Variants in ARHGAP42 observed in about 807,000 individuals in gnomAD.
ARHGAP42 encodes the protein rho GTPase-activating protein 42.
Under a neutral mutation model 125.0 loss-of-function variants are expected in ARHGAP42, and 63 were observed. That is an observed-to-expected ratio of 0.50 (90% CI 0.41 to 0.62). ARHGAP42 has a LOEUF of 0.62. ARHGAP42 is among the 20% of genes least tolerant of loss of function. The probability of loss-of-function intolerance (pLI) is 0.00; values close to 1 mark genes in which losing one functional copy is unlikely to be tolerated. For missense variants in ARHGAP42, 766 were observed against 1,024.2 expected (o/e 0.75, Z 3.44); for synonymous variants, 339 against 351.0 (o/e 0.97, Z 0.38).
intron 3 of ARHGAP42, among the ~76,000 whole-genome samples, chr11:100,850,200 A>G (rs1172452526): frequency 2.0e-5 from 3 of 152,228 alleles, no homozygotes; most frequent in African/African-American, 7.2e-5. Context: ...CTTTTCAAAA[A>G]AGATTTTAAT....
chr11:100,930,061 G>A (rs947427845), intron 6 of ARHGAP42, among the ~76,000 whole-genome samples: 33 of 152,154 alleles, frequency 2.2e-4, no homozygotes, highest in East Asian at 5.8e-4. Context: ...ATGAGATTTC[G>A]TCAGTGATAA....
intron 3 of ARHGAP42, among the ~76,000 whole-genome samples, chr11:100,843,352 G>A (rs1864985673): frequency 6.6e-6 from 1 of 151,892 alleles, no homozygotes; most frequent in Non-Finnish European, 1.5e-5. Context: ...AAAAGTCCAG[G>A]AACAGATGGA....
intron 3 of ARHGAP42, among the ~76,000 whole-genome samples, chr11:100,827,407 A>G (rs916417248): frequency 1.3e-5 from 2 of 152,152 alleles, no homozygotes; most frequent in African/African-American, 4.8e-5. Context: ...CTGGTATGCA[A>G]CTCATACTTT....
At position 100,936,239 on chromosome 11, in the gene ARHGAP42, G is replaced by A. The variant is rs1488588923; in HGVS notation, c.739G>A (p.Glu247Lys). Residue 247 changes from glutamate (E) to lysine (K), a missense_variant, in exon 8 of 24, where the codon GAG becomes AAG. Transcript: ENST00000298815. ...TTTTGAAAGTACTCGACAAGAGGTAGAGCGGTTGATGCAAAGGATGAAATC... is the reference window on the plus strand; with the variant it reads ...TTTTGAAAGTACTCGACAAGAGGTAAAGCGGTTGATGCAAAGGATGAAATC... ...NNFESTRQEV[E>K]RLMQRMKSAN... 2.6e-6 allele frequency: 4 copies of A among 1,551,796 alleles called. No homozygotes were observed. Among genetic ancestry groups the A allele is most frequent in the South Asian group, 2.4e-5 (2 of 84,060 alleles).
chr11:100,760,061 A>T (rs1279123902), intron 1 of ARHGAP42, among the ~76,000 whole-genome samples: 1 of 152,210 alleles, frequency 6.6e-6, no homozygotes. Flanking sequence ...AATTAACCAC[A>T]TGCACCATCC....
intron 4 of ARHGAP42, among the ~76,000 whole-genome samples, chr11:100,866,342 TC>T (rs1452157644): frequency 6.6e-6 from 1 of 152,194 alleles, no homozygotes; most frequent in African/African-American, 2.4e-5. Flanking sequence ...ATCAGCTTCT[TC>T]CATGAATCAT....
chr11:100,946,894 C>T (rs1328336915), intron 10 of ARHGAP42, among the ~76,000 whole-genome samples: 1 of 151,548 alleles, frequency 6.6e-6, no homozygotes, highest in African/African-American at 2.4e-5. Context: ...AACAAACCAT[C>T]AATTTGTTAA....
chr11:100,857,386 G>T (rs1270554808), intron 3 of ARHGAP42, among the ~76,000 whole-genome samples: 1 of 152,082 alleles, frequency 6.6e-6, no homozygotes, highest in South Asian at 2.1e-4. Flanking sequence ...TCATATGTAT[G>T]TAACAGTGAG....
intron 22 of ARHGAP42, among the ~76,000 whole-genome samples, chr11:100,983,010 GAAGT>G (rs1858582017): frequency 6.6e-6 from 1 of 152,122 alleles, no homozygotes; most frequent in South Asian, 2.1e-4. Context: ...AATTAATGAA[GAAGT>G]AAGTTAAAAC....
intron 1 of ARHGAP42, among the ~76,000 whole-genome samples, chr11:100,689,091 A>AG (rs1163602998): frequency 6.6e-6 from 1 of 152,232 alleles, no homozygotes; most frequent in East Asian, 1.9e-4. Context: ...AATCATCCCA[A>AG]ATGTTAAAAC....
intron 2 of ARHGAP42, among the ~76,000 whole-genome samples, chr11:100,785,762 C>G (rs557524979): frequency 2.6e-5 from 4 of 152,224 alleles, no homozygotes; most frequent in African/African-American, 7.2e-5. Flanking sequence ...ACTTGGCACT[C>G]GATTACTCTT....
intron 4 of ARHGAP42, among the ~76,000 whole-genome samples, chr11:100,862,711 T>C (rs1298014069): frequency 2.0e-5 from 3 of 152,112 alleles, no homozygotes; most frequent in Non-Finnish European, 4.4e-5. Context: ...TAGTTCTTGC[T>C]TAGTAAAGTG....
chr11:100,901,698 G>A (rs567368736), intron 4 of ARHGAP42, among the ~76,000 whole-genome samples: 9 of 152,354 alleles, frequency 5.9e-5, no homozygotes, highest in East Asian at 5.8e-4. Context: ...GCAAGGCTCC[G>A]TGGGCATGGG....
chr11:100,728,157 G>A (rs532965463), intron 1 of ARHGAP42, among the ~76,000 whole-genome samples: 28 of 152,104 alleles, frequency 1.8e-4, no homozygotes, highest in Non-Finnish European at 3.4e-4. Context: ...GGTGAATTTT[G>A]TTCCCTCCTA....
At chr11:100,748,443 T>C (rs1337040078) in intron 1 of ARHGAP42, among the ~76,000 whole-genome samples, 1 of 152,212 alleles carries the variant, frequency 6.6e-6, no homozygotes, top group Non-Finnish European at 1.5e-5. Context: ...AAGATTTAGA[T>C]CCCCTGTTAG....
At chr11:100,814,321 C>T (rs1162580349) in intron 3 of ARHGAP42, among the ~76,000 whole-genome samples, 2 of 148,364 alleles carry the variant, frequency 1.3e-5, no homozygotes, top group African/African-American at 2.5e-5. Flanking sequence ...CGAGATCACA[C>T]CACTGCACTC....
At chr11:100,761,628 A>G (rs1359667914) in intron 1 of ARHGAP42, among the ~76,000 whole-genome samples, 2 of 152,216 alleles carry the variant, frequency 1.3e-5, no homozygotes, top group East Asian at 1.9e-4. Context: ...CTTGCCAGAC[A>G]CATATCATTT....
intron 1 of ARHGAP42, among the ~76,000 whole-genome samples, chr11:100,745,640 C>T (rs1035147034): frequency 2.6e-5 from 4 of 152,162 alleles, no homozygotes; most frequent in African/African-American, 9.7e-5. Flanking sequence ...ATACTTCCAT[C>T]AGGGGCAGTG....
At chr11:100,812,843 C>T (rs544386977) in intron 3 of ARHGAP42, among the ~76,000 whole-genome samples, 1 of 152,100 alleles carries the variant, frequency 6.6e-6, no homozygotes, top group African/African-American at 2.4e-5. Context: ...CTCTTTAGGC[C>T]TTGTAAGGAA....
Sources: allele counts gnomAD v4.1 joint callset (sites outside exome capture counted in the v4.1 genomes callset), GRCh38; gene constraint gnomAD v4.1.1; transcripts MANE v1.5; gene names NCBI Gene and HGNC (gene_info 2026-07-23, HGNC 2026-07-21).